GOLGA4: variants seen among roughly 807,000 people sequenced by gnomAD.
GOLGA4 encodes the protein golgin subfamily A member 4.
In GOLGA4, 169 loss-of-function variants were observed where a neutral mutation model predicts 265.9. The observed-to-expected ratio is 0.64, with a 90% CI of 0.56 to 0.72. The LOEUF is 0.72. Ranked by LOEUF, GOLGA4 falls within the 30% of genes least tolerant of loss-of-function variation. GOLGA4 has a pLI of 0.00. For synonymous variants in GOLGA4, 923 were observed against 855.8 expected (o/e 1.08, Z -1.37); for missense variants, 2,482 against 2,483.4 (o/e 1.00, Z 0.01).
Position 37,289,221 on chromosome 3 carries a change from T to A in GOLGA4, c.526-14T>A, listed in dbSNP as rs767963725. The A allele has an allele frequency of 6.6e-7, 1 of 1,509,882 alleles. No individual in the cohort carries two copies. The highest frequency in any genetic ancestry group is 1.2e-5 in the South Asian group (1 of 83,824). 93.5% of individuals were successfully genotyped at this position (1,509,882 alleles called of 1,614,324 possible). ...TAGCTGTTTAACCAGCTTTTTTTTC[T>A]CTCTCAATTAAAGGGTATATTAAGT... On this transcript the variant is annotated splice_polypyrimidine_tract_variant and intron_variant, in intron 4 of 23. Coordinates refer to ENST00000361924, the MANE Select transcript of GOLGA4 (RefSeq NM_002078.5).
chr3:37,361,108 C>G, intron 22 of GOLGA4, 135 bp from the exon 23 acceptor site: 1 of 678,668 alleles, frequency 1.5e-6, no homozygotes, highest in Non-Finnish European at 2.7e-6. Context: ...GCCTGTACAC[C>G]CTTGATTTGG....
chr3:37,350,667 C>T (rs768372034), intron 21 of GOLGA4, among the ~76,000 whole-genome samples: 3 of 152,122 alleles, frequency 2.0e-5, no homozygotes, highest in East Asian at 1.9e-4. Flanking sequence ...GGAGGTATTA[C>T]GGGTTCAGTT....
intron 3 of GOLGA4, among the ~76,000 whole-genome samples, chr3:37,283,285 C>T (rs1419258861): frequency 2.6e-5 from 4 of 152,012 alleles, no homozygotes; most frequent in Admixed American, 2.6e-4. Flanking sequence ...TGGAACCCAC[C>T]CAGAGATATA....
intron 23 of GOLGA4, among the ~76,000 whole-genome samples, chr3:37,363,740 T>A (rs78917980): frequency 0.038 from 5,837 of 152,292 alleles, 142 homozygotes; most frequent in African/African-American, 0.056. Context: ...TAGTACATAA[T>A]ACTCAGTTTT....
At chr3:37,274,538 A>G (rs2096808660) in intron 2 of GOLGA4, among the ~76,000 whole-genome samples, 1 of 152,106 alleles carries the variant, frequency 6.6e-6, no homozygotes, top group African/African-American at 2.4e-5. Flanking sequence ...CTAAAAAAAT[A>G]CAAAAATTAG....
At chr3:37,348,781 A>T (rs2097064234) in intron 21 of GOLGA4, among the ~76,000 whole-genome samples, 1 of 152,144 alleles carries the variant, frequency 6.6e-6, no homozygotes, top group South Asian at 2.1e-4. Flanking sequence ...GACTGCCTTA[A>T]CCTGTTTCTT....
At chr3:37,273,968 C>T (rs1479462240) in intron 2 of GOLGA4, among the ~76,000 whole-genome samples, 1 of 151,894 alleles carries the variant, frequency 6.6e-6, no homozygotes, top group African/African-American at 2.4e-5. Context: ...CCAGGAGTGG[C>T]GCATGCCTGA....
At chr3:37,328,670 T>C in intron 15 of GOLGA4, 133 bp downstream of exon 15, 1 of 884,274 alleles carries the variant, frequency 1.1e-6, no homozygotes, top group African/African-American at 1.7e-5. Flanking sequence ...CCAATAACAT[T>C]CTCTAATGGG....
rs562115801 is a variant in GOLGA4 at position 37,327,438 on chromosome 3, T to C, written c.5552T>C (p.Ile1851Thr). Residue 1851 changes from isoleucine to threonine, a missense_variant, in exon 14 of 24, where the codon ATT becomes ACT. This residue lies in a region of GOLGA4 where 942 missense variants were observed against 983.1 expected (regional missense o/e 0.96). Coordinates refer to ENST00000361924, the MANE Select transcript of GOLGA4 (RefSeq NM_002078.5). Reference protein sequence around the residue: ...TLQEKELTCQILEQKIKELDS... With the variant: ...TLQEKELTCQTLEQKIKELDS... ...CAGGAGAAGGAACTAACCTGTCAGA[T>C]TTTGGAGCAAAAGATAAAAGAGCTG... 29 of 1,612,980 alleles carry C rather than the reference T, an allele frequency of 1.8e-5. No individual in the cohort carries two copies. In the South Asian group the frequency reaches 2.4e-4, roughly 13 times the overall value.
chr3:37,285,942 A>G, intron 3 of GOLGA4, 72 bp from the exon 4 acceptor site: 1 of 889,278 alleles, frequency 1.1e-6, no homozygotes, highest in Non-Finnish European at 1.8e-6. Context: ...TCATAAAGAG[A>G]ATTTTTTAGT....
chr3:37,285,615 G>A (rs770976979), intron 3 of GOLGA4, among the ~76,000 whole-genome samples: 1 of 152,206 alleles, frequency 6.6e-6, no homozygotes, highest in Non-Finnish European at 1.5e-5. Flanking sequence ...CCCTTCCCAA[G>A]TCTCAAATTC....
intron 10 of GOLGA4, among the ~76,000 whole-genome samples, chr3:37,312,893 A>G (rs2096926832): frequency 6.6e-6 from 1 of 152,178 alleles, no homozygotes; most frequent in African/African-American, 2.4e-5. Context: ...TTATTTGAGT[A>G]TCAGTTTTAT....
At chr3:37,255,054 AT>A (rs778179206) in intron 2 of GOLGA4, among the ~76,000 whole-genome samples, 505 of 151,860 alleles carry the variant, frequency 3.3e-3, no homozygotes, top group Non-Finnish European at 4.5e-3. Context: ...TACTAAAAAA[AT>A]GATAAAGTTT....
intron 22 of GOLGA4, among the ~76,000 whole-genome samples, chr3:37,358,319 T>C (rs11721027): frequency 0.43 from 64,971 of 152,018 alleles, 14,514 homozygotes; most frequent in African/African-American, 0.49. Flanking sequence ...ACTATACTTC[T>C]CTCTCTTCAG....
chr3:37,329,187 G>A, intron 16 of GOLGA4, 94 bp downstream of exon 16: 1 of 1,041,076 alleles, frequency 9.6e-7, no homozygotes, highest in Non-Finnish European at 1.4e-6. Flanking sequence ...TGTGTTTTTT[G>A]AACGAAAAGG....
chr3:37,283,247 A>G (rs1481579615), intron 3 of GOLGA4, among the ~76,000 whole-genome samples: 3 of 152,234 alleles, frequency 2.0e-5, no homozygotes, highest in South Asian at 4.1e-4. Flanking sequence ...ATAGGAAGCA[A>G]TTATCAGGCT....
rs574637403 is a variant in GOLGA4, at chr3:37,337,515, G to C, written c.6328-151G>C. 6.7e-4 allele frequency: 419 copies of C among 623,412 alleles called. 1 individual carries two copies. Among genetic ancestry groups the C allele is most frequent in the African/African-American group, 6.5e-3 (353 of 54,192 alleles). 38.6% of individuals were successfully genotyped at this position (623,412 alleles called of 1,614,324 possible). A position where few individuals can be genotyped will look rare whatever the true frequency, so the allele number is the denominator to read the frequency against. ...CCCCAGCCAAGACTAGTTATTCTTT[G>C]AATTTGTCTGAAAGTCATGCATTTT... On this transcript the variant is annotated intron_variant, in intron 18 of 23. Coordinates refer to ENST00000361924, the MANE Select transcript of GOLGA4 (RefSeq NM_002078.5).
intron 14 of GOLGA4, 101 bp downstream of exon 14, chr3:37,327,926 T>G (rs2096977263): frequency 3.3e-6 from 3 of 901,224 alleles, no homozygotes; most frequent in Non-Finnish European, 3.3e-6. Context: ...TTGGATAAGT[T>G]TCACCAACCC....
intron 2 of GOLGA4, among the ~76,000 whole-genome samples, chr3:37,262,244 G>A (rs149727726): frequency 0.039 from 5,888 of 152,162 alleles, 144 homozygotes; most frequent in African/African-American, 0.056. Context: ...GGTGGCTCAC[G>A]CCTGTAATCT....
Sources: allele counts gnomAD v4.1 joint callset (sites outside exome capture counted in the v4.1 genomes callset), GRCh38; gene constraint gnomAD v4.1.1; regional missense constraint gnomAD v4.1.1; transcripts MANE v1.5; gene names NCBI Gene and HGNC (gene_info 2026-07-23, HGNC 2026-07-21).